Variants in SERHL2 observed in about 807,000 individuals in gnomAD.
SERHL2 encodes serine hydrolase like 2.
SERHL2 carries 29 observed loss-of-function variants against 25.5 expected under a neutral mutation model. The ratio of observed to expected loss-of-function variants is 1.14; its 90% CI spans 0.85 to 1.55. The LOEUF (loss-of-function observed/expected upper bound fraction) is 1.55. Among genes scored for constraint, SERHL2 ranks in the 40% most tolerant of loss-of-function variants. The pLI is 0.00. For missense variants in SERHL2, 240 were observed against 252.3 expected, an observed-to-expected ratio of 0.95 and a Z score of 0.33; for synonymous variants, 95 against 103.5, an observed-to-expected ratio of 0.92 and a Z score of 0.50.
chr22:42,564,933 G>A (rs1923143619), intron 8 of SERHL2: 1 of 151,726 alleles, frequency 6.6e-6, no homozygotes, highest in East Asian at 1.9e-4. Context: ...CAGTAGCTGG[G>A]ACTACAGGAG....
At chr22:42,571,331 C>T in intron 10 of SERHL2, 128 bp downstream of exon 10, 3 of 1,509,216 alleles carry the variant, frequency 2.0e-6, no homozygotes, top group South Asian at 2.5e-5. Context: ...GGCTCAAGAT[C>T]TTTTTTGGGA....
chr22:42,569,151 G>GAAAAAAAA (rs1465922238), intron 9 of SERHL2: 1 of 2,674 alleles, frequency 3.7e-4, no homozygotes, highest in Non-Finnish European at 6.7e-4. Context: ...TCTTGCAAAG[G>GAAAAAAAA]AACATTTCAC....
intron 9 of SERHL2, chr22:42,569,842 TGTG>T: frequency 1.9e-5 from 1 of 51,574 alleles, no homozygotes; most frequent in South Asian, 4.4e-4. Context: ...TAGCAATTTG[TGTG>T]TGTGTGTGTG....
intron 8 of SERHL2, among the ~76,000 whole-genome samples, chr22:42,563,156 G>T (rs191572021): frequency 6.6e-6 from 1 of 151,706 alleles, no homozygotes; most frequent in Non-Finnish European, 1.5e-5. Context: ...TTGTGCCACT[G>T]CACTCTAGCA....
At chr22:42,565,184 CCT>C (rs1395105778) in intron 8 of SERHL2, 1 of 152,906 alleles carries the variant, frequency 6.5e-6, no homozygotes, top group Non-Finnish European at 1.5e-5. Flanking sequence ...GGATGGTCGT[CCT>C]CTTCGACCGA....
intron 11 of SERHL2, chr22:42,572,841 T>C (rs929172911): frequency 1.2e-5 from 5 of 421,256 alleles, no homozygotes; most frequent in African/African-American, 1.1e-4. Flanking sequence ...ATTTTTATAT[T>C]TTATATTTTT....
At chr22:42,563,176 CTTTTTCTT>C (rs572520743) in intron 8 of SERHL2, among the ~76,000 whole-genome samples, 3 of 142,510 alleles carry the variant, frequency 2.1e-5, no homozygotes, top group South Asian at 2.2e-4. Context: ...AAGACCCTGG[CTTTTTCTT>C]TTTTTCTTTT....
chr22:42,572,745 G>A (rs1924409251), intron 11 of SERHL2: 2 of 984,060 alleles, frequency 2.0e-6, no homozygotes, highest in Non-Finnish European at 2.4e-6. Context: ...ACCTTTGGTG[G>A]GGAACCCCTG....
chr22:42,563,184 T>C (rs1291245106), intron 8 of SERHL2, among the ~76,000 whole-genome samples: 2 of 125,460 alleles, frequency 1.6e-5, no homozygotes, highest in Admixed American at 7.2e-5. Context: ...GGCTTTTTCT[T>C]TTTTTCTTTT....
intron 7 of SERHL2, among the ~76,000 whole-genome samples, chr22:42,559,734 G>GA (rs568121812): frequency 4.5e-4 from 67 of 150,422 alleles, no homozygotes; most frequent in Admixed American, 2.2e-3. Flanking sequence ...GAAAAAAAAA[G>GA]AAAAAAAAAT....
chr22:42,566,393 T>C (rs1923390866), intron 9 of SERHL2, 55 bp downstream of exon 9: 5 of 1,588,650 alleles, frequency 3.1e-6, no homozygotes, highest in Non-Finnish European at 3.4e-6. Flanking sequence ...AGCGTCTTTG[T>C]CGTTTTTGAA....
chr22:42,567,111 T>C (rs567744208), intron 9 of SERHL2, among the ~76,000 whole-genome samples: 57 of 152,220 alleles, frequency 3.7e-4, no homozygotes, highest in African/African-American at 1.3e-3. Flanking sequence ...GCCTGTGCTA[T>C]TTTGTGATTG....
intron 9 of SERHL2, among the ~76,000 whole-genome samples, chr22:42,570,396 C>A (rs960942695): frequency 5.3e-5 from 8 of 152,018 alleles, no homozygotes; most frequent in Non-Finnish European, 8.8e-5. Flanking sequence ...CCAGCCCGGG[C>A]ACCAAGAGCA....
chr22:42,570,074 G>T (rs1279431869), intron 9 of SERHL2: 1 of 152,134 alleles, frequency 6.6e-6, no homozygotes, highest in Non-Finnish European at 1.5e-5. Context: ...GAGCAGCACA[G>T]TGCAATGGAA....
At chr22:42,561,729 G>C (rs1191840131) in intron 8 of SERHL2, among the ~76,000 whole-genome samples, 1 of 151,828 alleles carries the variant, frequency 6.6e-6, no homozygotes, top group Non-Finnish European at 1.5e-5. Flanking sequence ...AGGGTCTAAG[G>C]AGCGGCACCT....
At chr22:42,559,724 GAA>G (rs942218006) in intron 7 of SERHL2, among the ~76,000 whole-genome samples, 1 of 148,926 alleles carries the variant, frequency 6.7e-6, no homozygotes. Context: ...GTCTCACAAA[GAA>G]AAAAAAAGAA....
Position 42,563,830 on chromosome 22 carries a change from T to C in SERHL2, c.614-2474T>C, listed in dbSNP as rs137911278. Among the ~76,000 whole-genome samples, 457 of 151,932 alleles carry C rather than the reference T, an allele frequency of 3.0e-3. 5 individuals are homozygous for C. The highest frequency in any genetic ancestry group is 0.01 in the African/African-American group (421 of 41,482). ...GGCTCATGCCTGTAATCCCAGCGCTTTGGGAGGCTGAGGTGGGTGAATCAC... is the reference window on the plus strand; with the variant it reads ...GGCTCATGCCTGTAATCCCAGCGCTCTGGGAGGCTGAGGTGGGTGAATCAC... On this transcript the variant is annotated intron_variant, in intron 8 of 11. Transcript: ENST00000327678.
intron 7 of SERHL2, among the ~76,000 whole-genome samples, chr22:42,559,980 T>C (rs1164211418): frequency 1.3e-5 from 2 of 151,684 alleles, no homozygotes; most frequent in African/African-American, 4.8e-5. Context: ...TCCAGCTAAG[T>C]TTTGTATTTT....
chr22:42,569,255 C>T (rs1242975612), intron 9 of SERHL2: 1 of 151,364 alleles, frequency 6.6e-6, no homozygotes, highest in Admixed American at 6.6e-5. Flanking sequence ...AAGCACCTAC[C>T]TTCTATTTAT....
Sources: allele counts gnomAD v4.1 joint callset (sites outside exome capture counted in the v4.1 genomes callset), GRCh38; gene constraint gnomAD v4.1.1; transcripts MANE v1.5; gene names NCBI Gene and HGNC (gene_info 2026-07-23, HGNC 2026-07-21).